CSMD1: variants seen among roughly 807,000 people sequenced by gnomAD.
The protein encoded by CSMD1 is CUB and Sushi multiple domains 1, also known as CUB and sushi domain-containing protein 1.
CSMD1 carries 213 observed loss-of-function variants against 417.5 expected under a neutral mutation model. The observed-to-expected ratio is 0.51, with a 90% CI of 0.46 to 0.57. The LOEUF is 0.57. CSMD1 is among the 20% of genes least tolerant of loss of function. The pLI, the probability that CSMD1 is intolerant of heterozygous loss-of-function variation, is 0.00. For synonymous variants in CSMD1, 2,862 were observed against 1,736.8 expected, an observed-to-expected ratio of 1.65 and a Z score of -16.11; for missense variants, 6,923 against 4,529.7, an observed-to-expected ratio of 1.53 and a Z score of -15.17.
chr8:4,087,995 G>A (rs554190227), intron 3 of CSMD1, among the ~76,000 whole-genome samples: 12 of 152,182 alleles, frequency 7.9e-5, no homozygotes, highest in African/African-American at 2.2e-4. Context: ...TCTGAAGAAC[G>A]TCTAACTTTA....
At chr8:4,896,150 A>G (rs1467677457) in intron 1 of CSMD1, among the ~76,000 whole-genome samples, 1 of 152,062 alleles carries the variant, frequency 6.6e-6, no homozygotes, top group Non-Finnish European at 1.5e-5. Flanking sequence ...ATTTTTTTAA[A>G]CATTTGAAAG....
At chr8:4,505,881 C>A (rs1473574403) in intron 2 of CSMD1, among the ~76,000 whole-genome samples, 1 of 151,944 alleles carries the variant, frequency 6.6e-6, no homozygotes, top group Admixed American at 6.6e-5. Context: ...TCTCCCTAAC[C>A]TCTGCCTCCT....
At chr8:3,858,601 C>G (rs1411900615) in intron 5 of CSMD1, among the ~76,000 whole-genome samples, 1 of 152,072 alleles carries the variant, frequency 6.6e-6, no homozygotes, top group Non-Finnish European at 1.5e-5. Flanking sequence ...TAATTTTCAC[C>G]AAGTTCTCGA....
chr8:4,442,907 T>TTA (rs1230371525), intron 2 of CSMD1, among the ~76,000 whole-genome samples: 3 of 152,168 alleles, frequency 2.0e-5, no homozygotes, highest in Non-Finnish European at 2.9e-5. Flanking sequence ...ATGTTTATGT[T>TTA]TATATAAACA....
intron 37 of CSMD1, among the ~76,000 whole-genome samples, chr8:3,176,461 A>C (rs1820942962): frequency 1.3e-5 from 2 of 152,148 alleles, no homozygotes; most frequent in Admixed American, 1.3e-4. Context: ...TAACCTAAAA[A>C]ATATTTTAGT....
intron 10 of CSMD1, among the ~76,000 whole-genome samples, chr8:3,542,088 T>A (rs535325219): frequency 6.6e-6 from 1 of 152,332 alleles, no homozygotes; most frequent in South Asian, 2.1e-4. Flanking sequence ...TTTACTGTGC[T>A]CTATAGTCTT....
At chr8:4,267,498 T>A (rs912670818) in intron 3 of CSMD1, among the ~76,000 whole-genome samples, 1 of 151,644 alleles carries the variant, frequency 6.6e-6, no homozygotes, top group African/African-American at 2.4e-5. Flanking sequence ...AGTCTTCATA[T>A]CTAAACGCAG....
chr8:4,050,952 C>G (rs1241480343), intron 3 of CSMD1, among the ~76,000 whole-genome samples: 2 of 152,120 alleles, frequency 1.3e-5, no homozygotes, highest in East Asian at 3.9e-4. Context: ...TAAGGTCTCA[C>G]TTGGTTGGAG....
At position 4,249,070 on chromosome 8, in the gene CSMD1, T is replaced by C. The variant is rs185109331; in HGVS notation, c.415+170883A>G. Among the ~76,000 whole-genome samples the C allele has an allele frequency of 5.7e-4, 87 of 152,314 alleles. 1 individual carries two copies. Among genetic ancestry groups the C allele is most frequent in the African/African-American group, 2.0e-3 (82 of 41,578 alleles). On this transcript the variant is annotated intron_variant, in intron 3 of 69. Coordinates refer to ENST00000635120, the MANE Select transcript of CSMD1 (RefSeq NM_033225.6). ...TGAATTTACTATTAATCTTCCTTGC[T>C]GTTAGGCACTCATGATCACCACTAC...
chr8:3,430,635 C>T (rs1395125760), intron 12 of CSMD1, among the ~76,000 whole-genome samples: 1 of 152,116 alleles, frequency 6.6e-6, no homozygotes, highest in Non-Finnish European at 1.5e-5. Context: ...GGTGAAACCA[C>T]ATCTCCACTA....
At chr8:3,459,503 G>A (rs988896750) in intron 12 of CSMD1, among the ~76,000 whole-genome samples, 1 of 152,172 alleles carries the variant, frequency 6.6e-6, no homozygotes, top group African/African-American at 2.4e-5. Flanking sequence ...GCATGCGGCA[G>A]TCGGAGACAC....
At chr8:3,719,099 G>C (rs1043615429) in intron 6 of CSMD1, among the ~76,000 whole-genome samples, 1 of 152,094 alleles carries the variant, frequency 6.6e-6, no homozygotes, top group African/African-American at 2.4e-5. Flanking sequence ...CAGACGATTC[G>C]CAAATTCCAA....
intron 3 of CSMD1, among the ~76,000 whole-genome samples, chr8:4,277,682 G>A (rs1796563482): frequency 6.6e-6 from 1 of 152,090 alleles, no homozygotes; most frequent in Middle Eastern, 3.2e-3. Flanking sequence ...AAACACAAGC[G>A]ACAGAATTTA....
intron 6 of CSMD1, among the ~76,000 whole-genome samples, chr8:3,747,198 G>T (rs930702662): frequency 6.6e-6 from 1 of 152,126 alleles, no homozygotes; most frequent in Non-Finnish European, 1.5e-5. Flanking sequence ...TATGACGAGA[G>T]CCACAGCCCT....
rs183554841 is a variant in CSMD1 at position 4,320,514 on chromosome 8, C to A, written c.415+99439G>T. On this transcript the variant is annotated intron_variant, in intron 3 of 69. Coordinates refer to ENST00000635120, the MANE Select transcript of CSMD1 (RefSeq NM_033225.6). ...CTAATGCTATTCCTCCCCTAGACCC[C>A]CACCCCCCAACAGGCCCCAGTGGGT... 3.8e-3 allele frequency among the ~76,000 whole-genome samples: 581 copies of A among 152,192 alleles called. 5 individuals are homozygous for A. The highest frequency in any genetic ancestry group is 0.013 in the African/African-American group (531 of 41,524).
intron 3 of CSMD1, among the ~76,000 whole-genome samples, chr8:4,354,190 G>C (rs1235988945): frequency 6.6e-6 from 1 of 152,092 alleles, no homozygotes; most frequent in South Asian, 2.1e-4. Flanking sequence ...ATGTCCACAA[G>C]CACATCTTCA....
At chr8:4,165,737 G>A (rs949401753) in intron 3 of CSMD1, among the ~76,000 whole-genome samples, 1 of 152,108 alleles carries the variant, frequency 6.6e-6, no homozygotes, top group African/African-American at 2.4e-5. Flanking sequence ...TAATCACTAA[G>A]CATCTCATCA....
chr8:3,693,958 GGTGT>G (rs1197322797), intron 7 of CSMD1, among the ~76,000 whole-genome samples: 2 of 150,426 alleles, frequency 1.3e-5, no homozygotes, highest in African/African-American at 4.9e-5. Flanking sequence ...TGGATATAGG[GGTGT>G]GTGTGTGTTG....
At chr8:4,658,317 A>T (rs1311010722) in intron 1 of CSMD1, among the ~76,000 whole-genome samples, 1 of 152,168 alleles carries the variant, frequency 6.6e-6, no homozygotes, top group East Asian at 1.9e-4. Context: ...AAATTTTGAA[A>T]GACAAAAACA....
Sources: gnomAD v4.1 joint callset for allele counts (sites outside exome capture counted in the v4.1 genomes callset) on GRCh38, gnomAD v4.1.1 for gene constraint, MANE v1.5 for transcripts, NCBI Gene and HGNC (gene_info 2026-07-23, HGNC 2026-07-21) for gene names.